Variants in TAS2R1 observed in about 807,000 individuals in gnomAD.
TAS2R1 encodes the protein taste receptor type 2 member 1.
For synonymous variants in TAS2R1, 141 were observed against 134.2 expected (o/e 1.05, Z -0.35); for missense variants, 370 against 353.4 (o/e 1.05, Z -0.38).
the TAS2R1 span, among the ~76,000 whole-genome samples, chr5:9,812,579 C>T: frequency 6.6e-6 from 1 of 152,100 alleles, no homozygotes; most frequent in Admixed American, 6.5e-5. Context: ...GGACCAAGAA[C>T]AGAACCCCAC....
At chr5:9,816,341 AATTG>A in the TAS2R1 span, among the ~76,000 whole-genome samples, 1 of 152,160 alleles carries the variant, frequency 6.6e-6, no homozygotes, top group Non-Finnish European at 1.5e-5. Context: ...AATCAATCGC[AATTG>A]ATTATTTTAG....
At chr5:9,769,754 T>G in the TAS2R1 span, among the ~76,000 whole-genome samples, 1 of 152,300 alleles carries the variant, frequency 6.6e-6, no homozygotes, top group African/African-American at 2.4e-5. Context: ...ATTTTTGAAC[T>G]GGATTGTTAG....
the TAS2R1 span, among the ~76,000 whole-genome samples, chr5:9,879,837 T>C: frequency 6.6e-6 from 1 of 152,224 alleles, no homozygotes. Context: ...ATTTTACCAT[T>C]GTCAAGATGT....
At chr5:9,801,952 G>C in the TAS2R1 span, among the ~76,000 whole-genome samples, 1 of 152,096 alleles carries the variant, frequency 6.6e-6, no homozygotes, top group African/African-American at 2.4e-5. Context: ...TACCCACCCG[G>C]GTAGCTGAAG....
chr5:9,644,494 T>C (rs1740150379), intron 2 of TAS2R1, among the ~76,000 whole-genome samples: 1 of 152,122 alleles, frequency 6.6e-6, no homozygotes, highest in Non-Finnish European at 1.5e-5. Context: ...GAGCCATTTT[T>C]CAAGAAGGAG....
the TAS2R1 span, among the ~76,000 whole-genome samples, chr5:9,779,786 GA>G: frequency 6.6e-6 from 1 of 152,210 alleles, no homozygotes; most frequent in Non-Finnish European, 1.5e-5. Context: ...GACCTGAAGT[GA>G]GTATATATTG....
the TAS2R1 span, among the ~76,000 whole-genome samples, chr5:9,830,179 G>GGATGGATGGACA: frequency 1.2e-5 from 1 of 81,628 alleles, no homozygotes; most frequent in Non-Finnish European, 3.6e-5. Context: ...AGAACAGATT[G>GGATGGATGGACA]GATGGATGGA....
the TAS2R1 span, among the ~76,000 whole-genome samples, chr5:9,864,920 G>A: frequency 1.3e-5 from 2 of 152,136 alleles, no homozygotes; most frequent in African/African-American, 2.4e-5. Flanking sequence ...CTAGCTTAAG[G>A]CTGTGATCAC....
At chr5:9,650,256 T>G (rs558933284) in intron 2 of TAS2R1, among the ~76,000 whole-genome samples, 1 of 152,052 alleles carries the variant, frequency 6.6e-6, no homozygotes, top group South Asian at 2.1e-4. Context: ...TGGTTGCCTT[T>G]GCCAAAGGAA....
chr5:9,859,448 C>T, the TAS2R1 span, among the ~76,000 whole-genome samples: 1 of 152,254 alleles, frequency 6.6e-6, no homozygotes, highest in African/African-American at 2.4e-5. Context: ...CACTTAAGAA[C>T]TGAAAATTCA....
chr5:9,630,091 T>C lies in TAS2R1; in HGVS notation c.-59A>G. On this transcript the variant is annotated 5_prime_UTR_variant, in exon 1 of 1. Transcript: ENST00000382492. ...ATGAAGTTATAAAGTTTTGGACAGG[T>C]TGGGTTGTTCACGCTCTTCAATTAG... 7.0e-7 allele frequency: 1 copy of C among 1,424,850 alleles called. No homozygotes were observed. The highest frequency in any genetic ancestry group is 9.3e-7 in the Non-Finnish European group (1 of 1,074,108). 88.3% of individuals were successfully genotyped at this position (1,424,850 alleles called of 1,614,324 possible).
the TAS2R1 span, among the ~76,000 whole-genome samples, chr5:9,867,390 T>C: frequency 6.6e-6 from 1 of 152,124 alleles, no homozygotes; most frequent in Non-Finnish European, 1.5e-5. Flanking sequence ...CTCACAATCA[T>C]GGTGGAAGGC....
chr5:9,679,285 A>G (rs1740949032), intron 1 of TAS2R1, among the ~76,000 whole-genome samples: 1 of 152,240 alleles, frequency 6.6e-6, no homozygotes, highest in South Asian at 2.1e-4. Flanking sequence ...TGGCAAATAC[A>G]TGACATTACG....
At chr5:9,815,392 A>T in the TAS2R1 span, among the ~76,000 whole-genome samples, 1 of 152,246 alleles carries the variant, frequency 6.6e-6, no homozygotes, top group Non-Finnish European at 1.5e-5. Flanking sequence ...CTTAATGCAC[A>T]AACAAGTCAA....
chr5:9,650,373 C>CTGTG (rs146136132), intron 2 of TAS2R1, among the ~76,000 whole-genome samples: 2 of 151,510 alleles, frequency 1.3e-5, no homozygotes, highest in African/African-American at 4.8e-5. Flanking sequence ...ACAATAAAAA[C>CTGTG]TGTGTGTGTG....
At chr5:9,821,095 G>A in the TAS2R1 span, among the ~76,000 whole-genome samples, 3 of 152,150 alleles carry the variant, frequency 2.0e-5, no homozygotes, top group African/African-American at 7.2e-5. Flanking sequence ...TAGCAGTGCA[G>A]GCCAACAACT....
the TAS2R1 span, among the ~76,000 whole-genome samples, chr5:9,840,987 G>T: frequency 6.6e-6 from 1 of 150,664 alleles, no homozygotes; most frequent in Non-Finnish European, 1.5e-5. Context: ...CCATTCTCCT[G>T]CCTCAGCTCA....
rs547243738 is a variant in TAS2R1 at position 9,648,008 on chromosome 5, C to G, written c.-81+11413G>C. On this transcript the variant is annotated intron_variant, in intron 2 of 2. Coordinates refer to the TAS2R1 transcript ENST00000506620. ...TACTTCCTCCTAAGAATTCACATAA[C>G]CATGAAAAAAGTACTTTTGGCCATA... Among the ~76,000 whole-genome samples, 6 of 152,176 alleles carry G rather than the reference C, an allele frequency of 3.9e-5. No individual in the cohort carries two copies. The South Asian group carries it at 1.2e-3, about 32-fold the overall frequency.
At chr5:9,846,996 T>C in the TAS2R1 span, among the ~76,000 whole-genome samples, 4 of 152,192 alleles carry the variant, frequency 2.6e-5, no homozygotes, top group South Asian at 2.1e-4. Context: ...CCTCATTAAC[T>C]CCCATGATCT....
Sources: allele counts gnomAD v4.1 joint callset (sites outside exome capture counted in the v4.1 genomes callset), GRCh38; gene constraint gnomAD v4.1.1; transcripts MANE v1.5; gene names NCBI Gene and HGNC (gene_info 2026-07-23, HGNC 2026-07-21).